RNF111: variants seen among roughly 807,000 people sequenced by gnomAD.
The protein encoded by RNF111 is E3 ubiquitin-protein ligase Arkadia.
Under a neutral mutation model 95.1 loss-of-function variants are expected in RNF111, and 17 were observed. The observed-to-expected ratio is 0.18, with a 90% CI of 0.12 to 0.27. The LOEUF is 0.27. Among genes scored for constraint, RNF111 ranks in the 10% least tolerant of loss-of-function variants. RNF111 has a pLI of 1.00. For missense variants in RNF111, 1,189 were observed against 1,210.4 expected (o/e 0.98, Z 0.26); for synonymous variants, 440 against 414.8 (o/e 1.06, Z -0.74).
At chr15:59,067,891 G>A (rs182256532) in intron 6 of RNF111, among the ~76,000 whole-genome samples, 213 of 152,038 alleles carry the variant, frequency 1.4e-3, no homozygotes, top group African/African-American at 4.5e-3. Flanking sequence ...GTTTTCTCAG[G>A]GGCAGATGAG....
intron 5 of RNF111, among the ~76,000 whole-genome samples, chr15:59,060,804 A>ATTT (rs201040277): frequency 0.012 from 1,695 of 147,086 alleles, 22 homozygotes; most frequent in African/African-American, 0.035. Flanking sequence ...TATTATTATT[A>ATTT]TTATTTTTTT....
chr15:59,026,867 A>G (rs2040636497), intron 1 of RNF111, among the ~76,000 whole-genome samples: 1 of 152,190 alleles, frequency 6.6e-6, no homozygotes, highest in Admixed American at 6.5e-5. Context: ...AACTCAGAGA[A>G]GAGTTAACTG....
intron 2 of RNF111, among the ~76,000 whole-genome samples, chr15:59,048,128 G>A (rs1382511393): frequency 6.6e-6 from 1 of 152,152 alleles, no homozygotes; most frequent in Non-Finnish European, 1.5e-5. Flanking sequence ...AGAAATGAAA[G>A]CACATGTTTG....
Position 59,052,443 on chromosome 15 carries a change from A to G in RNF111, c.1007+12A>G, listed in dbSNP as rs749387272. On this transcript the variant is annotated intron_variant, in intron 3 of 13. Transcript: ENST00000348370. Reference sequence around the variant, plus strand: ...GGAGAAAGCTATCGGTGAGATTTTAATTCTTAGTTAAATGTTTGAAATATT... The same window carrying G: ...GGAGAAAGCTATCGGTGAGATTTTAGTTCTTAGTTAAATGTTTGAAATATT... 1 of 1,542,474 alleles carries G rather than the reference A, an allele frequency of 6.5e-7. No homozygotes were observed. The highest frequency in any genetic ancestry group is 1.3e-5 in the South Asian group (1 of 78,074).
In RNF111 at chr15:59,072,429, A is replaced by G. The variant is rs541626380; in HGVS notation, c.1687-3525A>G. Among the ~76,000 whole-genome samples, 31 of 149,828 alleles carry G rather than the reference A, an allele frequency of 2.1e-4. No homozygotes were observed. In the East Asian group the frequency reaches 5.2e-3, roughly 25 times the overall value. ...ATATTAAGTTGATGTGATATTCTAA[A>G]TCTTTCGCTGTCATTTCCATCTTTT... On this transcript the variant is annotated intron_variant, in intron 6 of 13. Transcript: ENST00000348370.
At chr15:59,059,937 A>G (rs1196095511) in intron 5 of RNF111, among the ~76,000 whole-genome samples, 1 of 152,198 alleles carries the variant, frequency 6.6e-6, no homozygotes, top group African/African-American at 2.4e-5. Context: ...AATTCTTTTA[A>G]TATTCATGTA....
chr15:59,054,397 A>G (rs2042120402), intron 3 of RNF111, among the ~76,000 whole-genome samples: 1 of 152,112 alleles, frequency 6.6e-6, no homozygotes, highest in South Asian at 2.1e-4. Flanking sequence ...TGATGCTTTC[A>G]CAAAAGTACT....
At chr15:58,997,411 CA>C (rs1268314546) in intron 1 of RNF111, among the ~76,000 whole-genome samples, 1 of 151,350 alleles carries the variant, frequency 6.6e-6, no homozygotes, top group Admixed American at 6.6e-5. Context: ...ACTGATGGTG[CA>C]AAAAACAGTG....
chr15:59,001,494 T>C (rs1368289980), intron 1 of RNF111, among the ~76,000 whole-genome samples: 9 of 152,214 alleles, frequency 5.9e-5, no homozygotes, highest in Admixed American at 5.9e-4. Flanking sequence ...AATAAAGGTC[T>C]TGTATAACTT....
intron 2 of RNF111, among the ~76,000 whole-genome samples, chr15:59,037,146 T>G (rs1360624648): frequency 6.6e-6 from 1 of 152,132 alleles, no homozygotes; most frequent in East Asian, 1.9e-4. Context: ...AGTGTATTTG[T>G]TATAATCAAC....
chr15:59,067,093 AT>A lies in RNF111; in HGVS notation c.1686+13del, dbSNP rs1330745734. 6.2e-7 allele frequency: 1 copy of A among 1,606,226 alleles called. No individual in the cohort carries two copies. Among genetic ancestry groups the A allele is most frequent in the Non-Finnish European group, 8.5e-7 (1 of 1,174,106 alleles). ...CAGCTATCATGAACAGGTATGTGGA[AT>A]TTGAGTCAGTCTTTCTTTCCTGCCC... On this transcript the variant is annotated intron_variant, in intron 6 of 13. Coordinates refer to ENST00000348370, the MANE Select transcript of RNF111 (RefSeq NM_017610.8).
At chr15:59,057,320 C>T (rs1245721552) in intron 4 of RNF111, among the ~76,000 whole-genome samples, 1 of 152,124 alleles carries the variant, frequency 6.6e-6, no homozygotes, top group African/African-American at 2.4e-5. Context: ...TTCTTTTCCC[C>T]CTTTTTTATG....
chr15:59,067,154 C>A, intron 6 of RNF111, 71 bp downstream of exon 6: 1 of 1,246,940 alleles, frequency 8.0e-7, no homozygotes, highest in Non-Finnish European at 1.1e-6. Context: ...TCTCCCTTTT[C>A]TCTCTCTTCC....
intron 2 of RNF111, among the ~76,000 whole-genome samples, 197 bp from the exon 3 acceptor site, chr15:59,052,108 G>A (rs1186951805): frequency 6.6e-6 from 1 of 152,130 alleles, no homozygotes; most frequent in Admixed American, 6.5e-5. Context: ...GCAAAGAAGT[G>A]TAGATTAAAA....
intron 5 of RNF111, among the ~76,000 whole-genome samples, chr15:59,064,761 TA>T (rs769457033): frequency 9.2e-5 from 14 of 151,584 alleles, no homozygotes; most frequent in Non-Finnish European, 4.4e-5. Flanking sequence ...AAAAAACGAA[TA>T]TACAGAAATT....
chr15:59,046,278 C>T (rs1210796156), intron 2 of RNF111, among the ~76,000 whole-genome samples: 1 of 151,886 alleles, frequency 6.6e-6, no homozygotes, highest in African/African-American at 2.4e-5. Context: ...CCTGCAGCCT[C>T]AGCCTCCAGG....
At chr15:59,030,727 G>A in intron 1 of RNF111, 77 bp from the exon 2 acceptor site, 1 of 1,008,128 alleles carries the variant, frequency 9.9e-7, no homozygotes, top group Non-Finnish European at 1.4e-6. Context: ...CTTCTTGGTG[G>A]AATTTGAGAA....
chr15:59,005,890 G>T (rs2039519528), intron 1 of RNF111, among the ~76,000 whole-genome samples: 1 of 152,184 alleles, frequency 6.6e-6, no homozygotes. Context: ...TTCAGATGAG[G>T]AAATTCAGGC....
intron 13 of RNF111, 49 bp from the exon 14 acceptor site, chr15:59,094,734 C>G (rs1273829068): frequency 9.8e-7 from 1 of 1,016,802 alleles, no homozygotes; most frequent in African/African-American, 1.6e-5. Context: ...TAACTACGTA[C>G]AATTATCATA....
Sources: allele counts gnomAD v4.1 joint callset (sites outside exome capture counted in the v4.1 genomes callset), GRCh38; gene constraint gnomAD v4.1.1; transcripts MANE v1.5; gene names NCBI Gene and HGNC (gene_info 2026-07-23, HGNC 2026-07-21).